Variants in RGS7 observed in about 807,000 individuals in gnomAD.
RGS7 encodes the protein regulator of G protein signaling 7.
RGS7 carries 27 observed loss-of-function variants against 81.1 expected under a neutral mutation model. That is an observed-to-expected ratio of 0.33 (90% CI 0.25 to 0.46). The LOEUF is 0.46. Among genes scored for constraint, RGS7 ranks in the 20% least tolerant of loss-of-function variants. RGS7 has a pLI of 1.00. For missense variants in RGS7, 396 were observed against 607.4 expected, an observed-to-expected ratio of 0.65 and a Z score of 3.66; for synonymous variants, 208 against 207.7, an observed-to-expected ratio of 1.00 and a Z score of -0.01.
chr1:241,328,020 A>G (rs1017488057), intron 2 of RGS7, among the ~76,000 whole-genome samples: 1 of 152,194 alleles, frequency 6.6e-6, no homozygotes, highest in Admixed American at 6.5e-5. Context: ...AAAAGAGTAC[A>G]ATTTATGTAC....
intron 3 of RGS7, among the ~76,000 whole-genome samples, chr1:240,987,928 AT>A (rs1323264875): frequency 6.6e-6 from 1 of 152,208 alleles, no homozygotes; most frequent in African/African-American, 2.4e-5. Flanking sequence ...GGCACAATAA[AT>A]GTTTATTATC....
At chr1:241,013,048 C>T (rs1022635235) in intron 3 of RGS7, among the ~76,000 whole-genome samples, 1 of 140,294 alleles carries the variant, frequency 7.1e-6, no homozygotes, top group Non-Finnish European at 1.5e-5. Context: ...GCCATCTGAC[C>T]CCTCCTTTTT....
At chr1:241,321,428 C>T (rs374275428) in intron 2 of RGS7, among the ~76,000 whole-genome samples, 51 of 152,266 alleles carry the variant, frequency 3.3e-4, no homozygotes, top group African/African-American at 1.2e-3. Flanking sequence ...ATCCCCCTTC[C>T]ACCTCACTCG....
chr1:241,190,068 A>AGT, intron 2 of RGS7, among the ~76,000 whole-genome samples: 1 of 151,828 alleles, frequency 6.6e-6, no homozygotes, highest in African/African-American at 2.4e-5. Context: ...GCGCCACTGC[A>AGT]CTCCAGCCTG....
At chr1:240,938,480 T>C (rs1199643785) in intron 4 of RGS7, among the ~76,000 whole-genome samples, 1 of 152,158 alleles carries the variant, frequency 6.6e-6, no homozygotes, top group Non-Finnish European at 1.5e-5. Context: ...CTAGCTATGG[T>C]ACAGCAAAGC....
chr1:240,782,717 C>T (rs1684341338), intron 18 of RGS7, among the ~76,000 whole-genome samples: 1 of 152,104 alleles, frequency 6.6e-6, no homozygotes, highest in South Asian at 2.1e-4. Context: ...ACACTGTGCC[C>T]GACCAAATAT....
At chr1:240,991,494 T>C (rs1005584299) in intron 3 of RGS7, among the ~76,000 whole-genome samples, 3 of 152,130 alleles carry the variant, frequency 2.0e-5, no homozygotes, top group African/African-American at 7.2e-5. Context: ...TTGTGTGGGA[T>C]GGTGACAGTA....
intron 2 of RGS7, among the ~76,000 whole-genome samples, chr1:241,338,256 T>C (rs2082351196): frequency 6.6e-6 from 1 of 152,240 alleles, no homozygotes; most frequent in Non-Finnish European, 1.5e-5. Context: ...AAATTCATAC[T>C]ACTTTTCATA....
chr1:240,966,231 G>A (rs1406596046), intron 4 of RGS7, among the ~76,000 whole-genome samples: 1 of 151,870 alleles, frequency 6.6e-6, no homozygotes, highest in African/African-American at 2.4e-5. Context: ...CTTGAATTGT[G>A]ATTAAAAAAA....
At chr1:241,344,211 C>T (rs1035836724) in intron 2 of RGS7, among the ~76,000 whole-genome samples, 2 of 152,140 alleles carry the variant, frequency 1.3e-5, no homozygotes, top group African/African-American at 4.8e-5. Flanking sequence ...TTATTTCCTC[C>T]ACTCTTGTAT....
At chr1:241,136,975 G>C (rs1290589851) in intron 2 of RGS7, among the ~76,000 whole-genome samples, 4 of 152,098 alleles carry the variant, frequency 2.6e-5, no homozygotes, top group Non-Finnish European at 5.9e-5. Flanking sequence ...TGAAGCAAAC[G>C]CAAAATTCTA....
At chr1:241,259,231 C>G (rs895508303) in intron 2 of RGS7, among the ~76,000 whole-genome samples, 5 of 152,040 alleles carry the variant, frequency 3.3e-5, no homozygotes, top group Non-Finnish European at 7.3e-5. Context: ...CTATACTAGC[C>G]GTGGTATTGA....
At chr1:241,223,718 A>T (rs549703370) in intron 2 of RGS7, among the ~76,000 whole-genome samples, 1 of 152,272 alleles carries the variant, frequency 6.6e-6, no homozygotes, top group African/African-American at 2.4e-5. Context: ...TGCAAAAAAA[A>T]AAAAAGAAAG....
At chr1:241,040,647 T>C (rs920961884) in intron 3 of RGS7, among the ~76,000 whole-genome samples, 6 of 151,948 alleles carry the variant, frequency 3.9e-5, no homozygotes, top group African/African-American at 1.2e-4. Flanking sequence ...GATTACACCA[T>C]ACCCGGCTAA....
intron 2 of RGS7, among the ~76,000 whole-genome samples, chr1:241,227,750 C>G (rs997046150): frequency 5.2e-5 from 5 of 95,782 alleles, no homozygotes; most frequent in African/African-American, 1.5e-4. Flanking sequence ...CTTGTGTCAC[C>G]TCCAGAAAAA....
intron 2 of RGS7, among the ~76,000 whole-genome samples, chr1:241,127,835 C>G (rs944670429): frequency 2.0e-5 from 3 of 151,958 alleles, no homozygotes; most frequent in African/African-American, 7.3e-5. Flanking sequence ...AGATTATTCT[C>G]TTCAAATGAT....
At chr1:241,208,967 C>T (rs2074085927) in intron 2 of RGS7, among the ~76,000 whole-genome samples, 1 of 152,196 alleles carries the variant, frequency 6.6e-6, no homozygotes, top group Non-Finnish European at 1.5e-5. Flanking sequence ...TCAGGCAGAA[C>T]AGGTGCTCCA....
At chr1:241,309,339 T>C (rs1240789630) in intron 2 of RGS7, among the ~76,000 whole-genome samples, 1 of 121,796 alleles carries the variant, frequency 8.2e-6, no homozygotes, top group Non-Finnish European at 1.6e-5. Context: ...TGAGCAGAGA[T>C]CACACCATTG....
At chr1:241,074,213 T>G (rs2062662906) in intron 3 of RGS7, among the ~76,000 whole-genome samples, 1 of 152,212 alleles carries the variant, frequency 6.6e-6, no homozygotes, top group Non-Finnish European at 1.5e-5. Flanking sequence ...TTAGTTTGTT[T>G]TAATTTTAAG....
Sources: allele counts gnomAD v4.1 joint callset (sites outside exome capture counted in the v4.1 genomes callset), GRCh38; gene constraint gnomAD v4.1.1; transcripts MANE v1.5; gene names NCBI Gene and HGNC (gene_info 2026-07-23, HGNC 2026-07-21).